The following ARVCF variants were observed in gnomAD, a reference collection of about 807,000 sequenced individuals.
The protein encoded by ARVCF is ARVCF delta catenin family member, also known as splicing regulator ARVCF.
A neutral mutation model predicts 90.9 loss-of-function variants in ARVCF; 66 were observed. The ratio of observed to expected loss-of-function variants is 0.73; its 90% CI spans 0.60 to 0.89. The LOEUF (loss-of-function observed/expected upper bound fraction) is 0.89, where lower values mean the gene tolerates loss of function less well. Among genes scored for constraint, ARVCF ranks in the 40% least tolerant of loss-of-function variants. The pLI is 0.00. For synonymous variants in ARVCF, 653 were observed against 603.4 expected (o/e 1.08, Z -1.21); for missense variants, 1,469 against 1,382.3 (o/e 1.06, Z -1.00).
rs567336398 is a variant in ARVCF at position 20,016,763 on chromosome 22, A to C, written c.-247T>G. 1.3e-5 allele frequency: 2 copies of C among 150,696 alleles called. No individual in the cohort carries two copies. The highest frequency in any genetic ancestry group is 4.9e-5 in the African/African-American group (2 of 41,078). The allele number at this position is 150,696 out of a possible 1,614,324, so 9.3% of individuals were successfully genotyped here. A position where few individuals can be genotyped will look rare whatever the true frequency, so the allele number is the denominator to read the frequency against. ...GGTGCGGGGGCCGCCCCCTCCCTCC[A>C]GGCCCAGCGCGCAACCCGAGACCCC... On this transcript the variant is annotated 5_prime_UTR_variant, in exon 1 of 20. Transcript: ENST00000263207.
intron 1 of ARVCF, among the ~76,000 whole-genome samples, chr22:20,014,998 G>C (rs549686440): frequency 5.9e-5 from 9 of 152,308 alleles, no homozygotes; most frequent in African/African-American, 2.2e-4. Flanking sequence ...CCTCTGGAGG[G>C]AGTGCCAGAG....
Position 19,981,728 on chromosome 22 carries a change from T to A in ARVCF, c.379A>T (p.Thr127Ser), listed in dbSNP as rs971128498. The A allele has an allele frequency of 2.6e-6, 4 of 1,565,922 alleles. No individual in the cohort carries two copies. Among genetic ancestry groups the A allele is most frequent in the Non-Finnish European group, 3.5e-6 (4 of 1,153,690 alleles). The change falls in exon 5 of 20, where the codon ACT (threonine) becomes TCT (serine). Residue 127 changes from threonine (T) to serine (S), a missense_variant. Transcript: ENST00000263207. ...TRRTETKVTK[T>S]VKTVTTRTVR... ...GTCCGAGTGGTCACCGTCTTGACAG[T>A]CTTGGTGACCTGGTGGATGGATAGG...
At chr22:19,989,256 T>A (rs751079831) in intron 3 of ARVCF, among the ~76,000 whole-genome samples, 3 of 151,738 alleles carry the variant, frequency 2.0e-5, no homozygotes, top group Non-Finnish European at 4.4e-5. Context: ...CCAGGGGCCA[T>A]GAAAAAGGGC....
intron 2 of ARVCF, among the ~76,000 whole-genome samples, chr22:20,006,528 G>A (rs1397255926): frequency 1.4e-5 from 2 of 145,756 alleles, no homozygotes; most frequent in Non-Finnish European, 3.0e-5. Context: ...GCAGTGAGCC[G>A]AGATCGCGCC....
intron 12 of ARVCF, 152 bp from the exon 13 acceptor site, chr22:19,973,945 C>A: frequency 6.8e-7 from 1 of 1,478,672 alleles, no homozygotes; most frequent in East Asian, 2.3e-5. Context: ...CGAGGTTTTC[C>A]CACCGTCCAG....
intron 3 of ARVCF, among the ~76,000 whole-genome samples, chr22:19,989,295 A>C (rs531385131): frequency 1.1e-4 from 16 of 152,006 alleles, no homozygotes; most frequent in African/African-American, 3.9e-4. Context: ...CCCTCTGGGG[A>C]CATTAATTTG....
At chr22:19,974,406 GA>G in intron 11 of ARVCF, 167 bp from the exon 12 acceptor site, 1 of 800,894 alleles carries the variant, frequency 1.2e-6, no homozygotes, top group South Asian at 3.4e-5. Context: ...CACCCAAGGG[GA>G]AAAGCGTTCC....
chr22:20,015,370 A>T (rs897436081), intron 1 of ARVCF, among the ~76,000 whole-genome samples: 1 of 152,098 alleles, frequency 6.6e-6, no homozygotes, highest in African/African-American at 2.4e-5. Flanking sequence ...TGCGGCTCAC[A>T]CTGTCGCCTG....
downstream of ARVCF, chr22:19,968,465 CA>C: frequency 1.4e-6 from 2 of 1,467,158 alleles, no homozygotes; most frequent in Non-Finnish European, 1.9e-6. Flanking sequence ...GAGGAGCACC[CA>C]TCCTGGTTTG....
At position 19,979,804 on chromosome 22, in the gene ARVCF, C is replaced by T; in HGVS notation, c.1335G>A (p.Val445=). 6.2e-7 allele frequency: 1 copy of T among 1,608,748 alleles called. No homozygotes were observed. Among genetic ancestry groups the T allele is most frequent in the Non-Finnish European group, 8.5e-7 (1 of 1,178,246 alleles). ...CCCTCAGCAGGCGCACCAGGGCAGGCACACCACCGCAGTCCCGGATGGCGG... is the reference window on the plus strand; with the variant it reads ...CCCTCAGCAGGCGCACCAGGGCAGGTACACCACCGCAGTCCCGGATGGCGG... ...NKAAIRDCGG[V]PALVRLLRAA... The change falls in exon 6 of 20, where the codon GTG becomes GTA. Residue 445 remains valine, a synonymous_variant. Coordinates refer to ENST00000263207, the MANE Select transcript of ARVCF (RefSeq NM_001670.3).
rs760516494 is a variant in ARVCF, at chr22:19,972,423, G to A, written c.2642-12C>T. ...AGTTTTCTCGCCCTCTGCAAGGCAG[G>A]AGGAGGAGACGGGCTGCATGTGGCA... On this transcript the variant is annotated splice_polypyrimidine_tract_variant and intron_variant, in intron 16 of 19. Coordinates refer to ENST00000263207, the MANE Select transcript of ARVCF (RefSeq NM_001670.3). 8 of 1,613,180 alleles carry A rather than the reference G, an allele frequency of 5.0e-6. No individual in the cohort carries two copies. In the African/African-American group the frequency reaches 6.7e-5, roughly 13 times the overall value.
At position 19,976,705 on chromosome 22, in the gene ARVCF, C is replaced by A; in HGVS notation, c.1888+1G>T. The A allele has an allele frequency of 1.3e-6, 2 of 1,560,000 alleles. No individual in the cohort carries two copies. Among genetic ancestry groups the A allele is most frequent in the Non-Finnish European group, 1.7e-6 (2 of 1,151,686 alleles). On this transcript the variant is annotated splice_donor_variant, in intron 10 of 19. Coordinates refer to ENST00000263207, the MANE Select transcript of ARVCF (RefSeq NM_001670.3). LOFTEE classifies it high-confidence loss of function. ...GGAGAGCAGGATAAAAAGGGACTCACCTTGGTGGAACCACTCCTCTGGGAG... is the reference window on the plus strand; with the variant it reads ...GGAGAGCAGGATAAAAAGGGACTCAACTTGGTGGAACCACTCCTCTGGGAG...
chr22:19,973,521 G>T, intron 13 of ARVCF, 122 bp downstream of exon 13: 2 of 1,467,740 alleles, frequency 1.4e-6, no homozygotes, highest in Non-Finnish European at 1.8e-6. Context: ...TTGGGACAGC[G>T]CCCAAGCGAG....
intron 2 of ARVCF, among the ~76,000 whole-genome samples, chr22:20,000,400 C>A (rs868824606): frequency 2.0e-5 from 3 of 152,238 alleles, no homozygotes; most frequent in Admixed American, 6.5e-5. Context: ...AGCAAGTGCA[C>A]AAAGTCCTGC....
In ARVCF at chr22:19,972,407, G is replaced by T; in HGVS notation, c.2646C>A (p.Gly882=). ...TLPLVDKSLE[G]EKTGSRDVIP... ...TCACATCCCGGCTGCCAGTTTTCTC[G>T]CCCTCTGCAAGGCAGGAGGAGGAGA... Residue 882 remains glycine (G), a synonymous_variant, in exon 17 of 20, where the codon GGC becomes GGA. Coordinates refer to ENST00000263207, the MANE Select transcript of ARVCF (RefSeq NM_001670.3). The T allele has an allele frequency of 4.3e-6, 7 of 1,613,544 alleles. No individual in the cohort carries two copies. Among genetic ancestry groups the T allele is most frequent in the South Asian group, 2.2e-5 (2 of 91,086 alleles).
Position 19,980,130 on chromosome 22 carries a change from C to T in ARVCF, c.1009G>A (p.Asp337Asn), listed in dbSNP as rs752761236. ...GAGGGCGAGCGCCGCACCAGCCGGT[C>T]CAGGCTGCCCATGCTGCCCCGTTCA... ...QPERGSMGSL[D>N]RLVRRSPSVD... The change falls in exon 6 of 20, where the codon GAC becomes AAC. Residue 337 changes from aspartate (D) to asparagine (N), a missense_variant. Physicochemically the swap from Asp to Asn is conservative, Grantham distance 23. Coordinates refer to ENST00000263207, the MANE Select transcript of ARVCF (RefSeq NM_001670.3). The T allele has an allele frequency of 2.0e-5, 32 of 1,592,266 alleles. No homozygotes were observed. The highest frequency in any genetic ancestry group is 1.0e-4 in the Admixed American group (6 of 59,470).
chr22:19,987,462 G>A (rs368122805), intron 3 of ARVCF, among the ~76,000 whole-genome samples: 7 of 144,484 alleles, frequency 4.8e-5, no homozygotes, highest in African/African-American at 1.8e-4. Flanking sequence ...TCACTTTCCC[G>A]CCGAAAGACT....
chr22:20,010,766 C>T (rs893300424), intron 1 of ARVCF, among the ~76,000 whole-genome samples: 15 of 152,200 alleles, frequency 9.9e-5, no homozygotes, highest in African/African-American at 2.4e-5. Context: ...CCTTCAGAAA[C>T]GTGATCCTTC....
rs1944881423 is a variant in ARVCF at position 20,012,721 on chromosome 22, T to C, written c.-72-2213A>G. On this transcript the variant is annotated intron_variant, in intron 1 of 19. Coordinates refer to ENST00000263207, the MANE Select transcript of ARVCF (RefSeq NM_001670.3). ...CTGGCCATGGGGCTCTGTCAGCCCC[T>C]GGCTACACCCCACTGATGCCCTAGT... Among the ~76,000 whole-genome samples, 4 of 152,256 alleles carry C rather than the reference T, an allele frequency of 2.6e-5. No individual in the cohort carries two copies. In the South Asian group the frequency reaches 8.3e-4, roughly 31 times the overall value.
Sources: gnomAD v4.1 joint callset for allele counts (sites outside exome capture counted in the v4.1 genomes callset) on GRCh38, gnomAD v4.1.1 for gene constraint, MANE v1.5 for transcripts, NCBI Gene and HGNC (gene_info 2026-07-23, HGNC 2026-07-21) for gene names.